Variants in IL19 observed in about 807,000 individuals in gnomAD.
IL19 encodes the protein interleukin-19.
A neutral mutation model predicts 19.5 loss-of-function variants in IL19; 15 were observed. The ratio of observed to expected loss-of-function variants is 0.77; its 90% CI spans 0.52 to 1.19. The LOEUF (loss-of-function observed/expected upper bound fraction) is 1.19. Ranked by LOEUF, IL19 falls within the 50% of genes most tolerant of loss-of-function variation. The pLI is 0.00. For synonymous variants in IL19, 78 were observed against 78.3 expected (o/e 1.00, Z 0.02); for missense variants, 199 against 213.1 (o/e 0.93, Z 0.41).
At chr1:206,840,132 G>GTTCTCCCTGT in intron 5 of IL19, 130 bp downstream of exon 5, 2 of 1,050,958 alleles carry the variant, frequency 1.9e-6, no homozygotes, top group Non-Finnish European at 2.9e-6. Flanking sequence ...CACGTCCACA[G>GTTCTCCCTGT]GGAGAACTGT....
intron 2 of IL19, among the ~76,000 whole-genome samples, chr1:206,804,088 C>G (rs556918670): frequency 6.6e-5 from 10 of 152,314 alleles, no homozygotes; most frequent in African/African-American, 2.4e-4. Context: ...AGAGCTTCTT[C>G]TCTCACGCTT....
At chr1:206,808,189 G>C (rs1036325734) in intron 2 of IL19, among the ~76,000 whole-genome samples, 1 of 152,206 alleles carries the variant, frequency 6.6e-6, no homozygotes, top group African/African-American at 2.4e-5. Flanking sequence ...AAATTAGCCA[G>C]GTGTGGTGAT....
Position 206,842,510 on chromosome 1 carries a change from T to C in IL19, c.439-17T>C. The C allele has an allele frequency of 6.6e-7, 1 of 1,506,950 alleles. No individual in the cohort carries two copies. Among genetic ancestry groups the C allele is most frequent in the Non-Finnish European group, 9.1e-7 (1 of 1,103,996 alleles). The allele number at this position is 1,506,950 out of a possible 1,614,324, so 93.3% of individuals were successfully genotyped here. ...CAGTCTAGAAAGGTGGGTTCTTACA[T>C]TGATCTCTGATTTCAGCTGGAGGTC... On this transcript the variant is annotated splice_polypyrimidine_tract_variant and intron_variant, in intron 6 of 6. Transcript: ENST00000659997.
chr1:206,797,729 A>T (rs988846712), intron 1 of IL19, among the ~76,000 whole-genome samples: 6 of 152,210 alleles, frequency 3.9e-5, no homozygotes, highest in Non-Finnish European at 8.8e-5. Context: ...GCAGCTGGCC[A>T]TTTCAGACTA....
At chr1:206,792,363 C>G (rs929873153) in intron 1 of IL19, among the ~76,000 whole-genome samples, 14 of 152,154 alleles carry the variant, frequency 9.2e-5, no homozygotes, top group Non-Finnish European at 2.9e-5. Context: ...GATGGATGCT[C>G]CCTGACAGGG....
chr1:206,780,960 G>C (rs1345624138), intron 1 of IL19, among the ~76,000 whole-genome samples: 1 of 152,180 alleles, frequency 6.6e-6, no homozygotes, highest in African/African-American at 2.4e-5. Flanking sequence ...TTTAGGAATT[G>C]GGAATGATAG....
In IL19 at chr1:206,842,937, G is replaced by T; in HGVS notation, c.*315G>T. The T allele has an allele frequency of 5.4e-6, 1 of 183,630 alleles. No individual in the cohort carries two copies. The highest frequency in any genetic ancestry group is 1.1e-5 in the Non-Finnish European group (1 of 88,630). 11.4% of individuals were successfully genotyped at this position (183,630 alleles called of 1,614,324 possible). ...CAAGTGATATCCTGTAGTACACATT[G>T]TACTGAGTGGTTTTTCTGAATAAAT... On this transcript the variant is annotated 3_prime_UTR_variant, in exon 7 of 7. Transcript: ENST00000659997.
intron 2 of IL19, among the ~76,000 whole-genome samples, chr1:206,819,332 T>C (rs1365479764): frequency 1.3e-5 from 2 of 151,780 alleles, no homozygotes; most frequent in Non-Finnish European, 2.9e-5. Flanking sequence ...ACGCCTGTAA[T>C]CCCAGCACTT....
intron 2 of IL19, among the ~76,000 whole-genome samples, chr1:206,830,209 G>A (rs943602314): frequency 1.3e-5 from 2 of 152,106 alleles, no homozygotes; most frequent in South Asian, 4.1e-4. Flanking sequence ...GTGCCATGGA[G>A]GGCTGGTTCA....
intron 2 of IL19, chr1:206,834,050 G>A: frequency 1.0e-6 from 1 of 985,540 alleles, no homozygotes; most frequent in African/African-American, 1.7e-5. Context: ...CAGCTCTCAG[G>A]AAAGTGACCT....
chr1:206,831,111 C>T (rs537167031), intron 2 of IL19, among the ~76,000 whole-genome samples: 2 of 152,232 alleles, frequency 1.3e-5, no homozygotes, highest in South Asian at 4.2e-4. Flanking sequence ...GCTCAAGACT[C>T]AGTACTTAGG....
chr1:206,778,853 C>A (rs752705157), intron 1 of IL19, among the ~76,000 whole-genome samples: 4 of 152,202 alleles, frequency 2.6e-5, no homozygotes, highest in Non-Finnish European at 5.9e-5. Flanking sequence ...ATCACCAGAA[C>A]CTCCACATTT....
At chr1:206,777,098 G>A (rs1005234317) in intron 1 of IL19, among the ~76,000 whole-genome samples, 1 of 151,752 alleles carries the variant, frequency 6.6e-6, no homozygotes, top group African/African-American at 2.4e-5. Flanking sequence ...GGGCGTGGTG[G>A]CAGGTGCCTG....
intron 2 of IL19, among the ~76,000 whole-genome samples, chr1:206,811,851 T>C (rs971627325): frequency 3.3e-5 from 5 of 152,206 alleles, no homozygotes; most frequent in African/African-American, 1.2e-4. Context: ...AATGTTTCCT[T>C]AGTGCAGGAG....
rs144719259 is a variant in IL19 at position 206,842,569 on chromosome 1, G to T, written c.481G>T (p.Asp161Tyr). The T allele has an allele frequency of 1.3e-6, 2 of 1,577,222 alleles. No individual in the cohort carries two copies. The highest frequency in any genetic ancestry group is 1.7e-6 in the Non-Finnish European group (2 of 1,159,486). Residue 161 changes from aspartate (D) to tyrosine (Y), a missense_variant, in exon 7 of 7, where the codon GAC becomes TAC. Asp to Tyr is a radical substitution (Grantham distance 160). Transcript: ENST00000659997. ...TGCCATTAAATCCCTGGGAGAGCTCGACGTCTTTCTAGCCTGGATTAATAA... is the reference window on the plus strand; with the variant it reads ...TGCCATTAAATCCCTGGGAGAGCTCTACGTCTTTCTAGCCTGGATTAATAA... ...AAAIKSLGELDVFLAWINKNH... is the reference protein window; with the variant it reads ...AAAIKSLGELYVFLAWINKNH...
chr1:206,771,309 C>T lies in IL19; in HGVS notation c.-149+231C>T, dbSNP rs777530778. On this transcript the variant is annotated intron_variant, in intron 1 of 6. Coordinates refer to ENST00000659997, the MANE Select transcript of IL19 (RefSeq NM_153758.5). Reference sequence around the variant, plus strand: ...CAATCAGGAAGCAGAGTCTCCCTTCCCTTAATCATGCTGCACACTCCCCCA... The same window carrying T: ...CAATCAGGAAGCAGAGTCTCCCTTCTCTTAATCATGCTGCACACTCCCCCA... 42 of 1,533,758 alleles carry T rather than the reference C, an allele frequency of 2.7e-5. No individual in the cohort carries two copies. In the South Asian group the frequency reaches 4.7e-4, roughly 17 times the overall value.
rs372029708 is a variant in IL19, at chr1:206,831,872, G to A, written c.-2-4789G>A. On this transcript the variant is annotated intron_variant, in intron 2 of 6. Coordinates refer to ENST00000659997, the MANE Select transcript of IL19 (RefSeq NM_153758.5). The stretch of plus-strand genomic sequence containing the variant: ...ATCACTTATTTCCCTTCCCCTGCAA[G>A]CTTCCTGATATGACATATCTGCCCT... 9.2e-5 allele frequency among the ~76,000 whole-genome samples: 14 copies of A among 152,256 alleles called. No individual in the cohort carries two copies. In the East Asian group the frequency reaches 2.3e-3, roughly 25 times the overall value.
intron 2 of IL19, chr1:206,829,194 C>G (rs1221883610): frequency 6.6e-6 from 1 of 152,136 alleles, no homozygotes; most frequent in Non-Finnish European, 1.5e-5. Context: ...ATTGTATGAG[C>G]TATGCATGGC....
rs1409797091 is a variant in IL19, at chr1:206,818,653, T to C, written c.-2-18008T>C. Among the ~76,000 whole-genome samples the C allele has an allele frequency of 3.0e-4, 45 of 152,208 alleles. 1 individual carries two copies. Among genetic ancestry groups the C allele is most frequent in the Non-Finnish European group, 1.5e-5 (1 of 68,046 alleles). The stretch of plus-strand genomic sequence containing the variant: ...TTGAGGTGATGGTTTTATGGATGTC[T>C]GGATATGCCAAAGCTTATCAAATTG... On this transcript the variant is annotated intron_variant, in intron 2 of 6. Transcript: ENST00000659997.
Sources: gnomAD v4.1 joint callset for allele counts (sites outside exome capture counted in the v4.1 genomes callset) on GRCh38, gnomAD v4.1.1 for gene constraint, MANE v1.5 for transcripts, NCBI Gene and HGNC (gene_info 2026-07-23, HGNC 2026-07-21) for gene names.